HDAC9: variants seen among roughly 807,000 people sequenced by gnomAD.
HDAC9 encodes the protein MEF-2 interacting transcription repressor (MITR) protein.
In HDAC9, 41 loss-of-function variants were observed where a neutral mutation model predicts 139.4. The ratio of observed to expected loss-of-function variants is 0.29; its 90% CI spans 0.23 to 0.38. The LOEUF (loss-of-function observed/expected upper bound fraction) is 0.38. Ranked by LOEUF, HDAC9 falls within the 10% of genes least tolerant of loss-of-function variation. HDAC9 has a pLI of 1.00. For synonymous variants in HDAC9, 517 were observed against 476.2 expected (o/e 1.09, Z -1.12); for missense variants, 1,147 against 1,297.0 (o/e 0.88, Z 1.78).
At chr7:18,331,616 A>G (rs1271196839) in intron 1 of HDAC9, among the ~76,000 whole-genome samples, 1 of 134,560 alleles carries the variant, frequency 7.4e-6, no homozygotes, top group Non-Finnish European at 1.7e-5. Flanking sequence ...CCCAGAACTT[A>G]AAGTATAATA....
chr7:18,364,384 G>A (rs1421894097), intron 1 of HDAC9, among the ~76,000 whole-genome samples: 2 of 152,096 alleles, frequency 1.3e-5, no homozygotes, highest in East Asian at 3.9e-4. Flanking sequence ...ACTATTACTT[G>A]TATTAACATT....
At chr7:18,599,177 G>A (rs1477904999) in intron 6 of HDAC9, among the ~76,000 whole-genome samples, 1 of 152,166 alleles carries the variant, frequency 6.6e-6, no homozygotes, top group African/African-American at 2.4e-5. Flanking sequence ...TATATTTACA[G>A]AAAAATTGAG....
intron 2 of HDAC9, among the ~76,000 whole-genome samples, chr7:18,284,654 G>A (rs1797320664): frequency 6.6e-6 from 1 of 152,032 alleles, no homozygotes; most frequent in African/African-American, 2.4e-5. Context: ...TCTAATCTTT[G>A]GGTAAATTAG....
chr7:18,801,903 G>A (rs1158133667), intron 17 of HDAC9, among the ~76,000 whole-genome samples: 1 of 151,852 alleles, frequency 6.6e-6, no homozygotes, highest in Non-Finnish European at 1.5e-5. Context: ...ATGTTTGCAG[G>A]AGCTTTAGCA....
chr7:18,818,745 C>G (rs1794751711), intron 17 of HDAC9, among the ~76,000 whole-genome samples: 1 of 151,968 alleles, frequency 6.6e-6, no homozygotes, highest in Admixed American at 6.6e-5. Flanking sequence ...GAGATTTGAC[C>G]CTTATTTTTC....
intron 1 of HDAC9, among the ~76,000 whole-genome samples, chr7:18,433,757 A>G (rs1316634306): frequency 1.3e-5 from 2 of 152,218 alleles, no homozygotes; most frequent in African/African-American, 4.8e-5. Flanking sequence ...AACACTGCTG[A>G]AAGAAGTCAG....
chr7:18,737,788 A>G (rs1787062937), intron 13 of HDAC9, among the ~76,000 whole-genome samples: 1 of 152,160 alleles, frequency 6.6e-6, no homozygotes, highest in Admixed American at 6.5e-5. Flanking sequence ...CTTGGTGCAG[A>G]GCTGAGTTCA....
At chr7:18,350,179 A>G (rs1782743740) in intron 1 of HDAC9, among the ~76,000 whole-genome samples, 1 of 152,142 alleles carries the variant, frequency 6.6e-6, no homozygotes, top group Admixed American at 6.5e-5. Flanking sequence ...TTAGTCTTTA[A>G]TAAATTAGAA....
In HDAC9 at chr7:18,225,061, C is replaced by T. The variant is rs375621652; in HGVS notation, c.25+62712C>T. ...CACTGATCCTTTCCTTTAAACTGCTCAGTAGCTAAATAAAGAACTTGTTGA... is the reference window on the plus strand; with the variant it reads ...CACTGATCCTTTCCTTTAAACTGCTTAGTAGCTAAATAAAGAACTTGTTGA... On this transcript the variant is annotated intron_variant, in intron 2 of 12. Coordinates refer to the HDAC9 transcript ENST00000417496. Among the ~76,000 whole-genome samples, 12 of 152,168 alleles carry T rather than the reference C, an allele frequency of 7.9e-5. No individual in the cohort carries two copies. In the East Asian group the frequency reaches 2.1e-3, roughly 27 times the overall value.
chr7:18,739,449 G>A (rs1012769329), intron 13 of HDAC9, among the ~76,000 whole-genome samples: 6 of 152,170 alleles, frequency 3.9e-5, no homozygotes, highest in Non-Finnish European at 8.8e-5. Flanking sequence ...GGGTTTTGGT[G>A]TAGATGTCCT....
At chr7:18,103,300 C>G (rs1342641302) in intron 1 of HDAC9, among the ~76,000 whole-genome samples, 2 of 152,160 alleles carry the variant, frequency 1.3e-5, no homozygotes, top group Non-Finnish European at 2.9e-5. Flanking sequence ...CACAGCCAAA[C>G]CATATCAGAC....
chr7:18,723,013 T>A (rs1444857770), intron 12 of HDAC9, among the ~76,000 whole-genome samples: 1 of 152,148 alleles, frequency 6.6e-6, no homozygotes, highest in African/African-American at 2.4e-5. Context: ...GGAAAAATAA[T>A]CCTCAAATCA....
intron 12 of HDAC9, among the ~76,000 whole-genome samples, chr7:18,721,259 T>C (rs972911872): frequency 1.3e-5 from 2 of 152,144 alleles, no homozygotes; most frequent in Non-Finnish European, 2.9e-5. Context: ...CCTATGTATC[T>C]CTCTCCTATT....
At chr7:18,770,525 C>T (rs1790196727) in intron 16 of HDAC9, among the ~76,000 whole-genome samples, 1 of 152,138 alleles carries the variant, frequency 6.6e-6, no homozygotes, top group South Asian at 2.1e-4. Flanking sequence ...ATTTTCCCCT[C>T]TTCACTTGAT....
At chr7:18,871,266 T>G (rs535990333) in intron 21 of HDAC9, among the ~76,000 whole-genome samples, 81 of 152,292 alleles carry the variant, frequency 5.3e-4, no homozygotes, top group Non-Finnish European at 5.9e-5. Flanking sequence ...TCCATGTCTC[T>G]TTTAAAGCAT....
intron 6 of HDAC9, among the ~76,000 whole-genome samples, chr7:18,628,804 G>T (rs1781456831): frequency 6.6e-6 from 1 of 152,120 alleles, no homozygotes; most frequent in Admixed American, 6.6e-5. Flanking sequence ...ATTACACTGA[G>T]TATGTTTCCC....
chr7:18,749,223 A>G lies in HDAC9; in HGVS notation c.2043+85A>G, dbSNP rs148128776. On this transcript the variant is annotated intron_variant, in intron 14 of 25. Coordinates refer to ENST00000686413, the MANE Select transcript of HDAC9 (RefSeq NM_178425.4). ...TATTCATTTGGGGAGTAATAGAAAA[A>G]TATTAACCATATAGTGCAAACACCA... 7.8e-4 allele frequency: 1,052 copies of G among 1,353,818 alleles called. 5 individuals carry two copies. In the African/African-American group the frequency reaches 0.013, roughly 17 times the overall value. 83.9% of individuals were successfully genotyped at this position (1,353,818 alleles called of 1,614,324 possible).
At position 18,624,971 on chromosome 7, in the gene HDAC9, A is replaced by T. The variant is rs185264312; in HGVS notation, c.665-4379A>T. ...TTTCTTTAGAGAAGTTGTATACTGT[A>T]TATTTTGTTAACATAAATCTATGTT... On this transcript the variant is annotated intron_variant, in intron 6 of 25. Coordinates refer to ENST00000686413, the MANE Select transcript of HDAC9 (RefSeq NM_178425.4). Among the ~76,000 whole-genome samples, 321 of 152,122 alleles carry T rather than the reference A, an allele frequency of 2.1e-3. 2 individuals are homozygous for T. The highest frequency in any genetic ancestry group is 7.2e-3 in the African/African-American group (300 of 41,520).
chr7:18,381,140 A>C (rs1785395567), intron 1 of HDAC9, among the ~76,000 whole-genome samples: 1 of 145,450 alleles, frequency 6.9e-6, no homozygotes, highest in East Asian at 2.0e-4. Flanking sequence ...CAGCGGTTGC[A>C]ATGAGCTGAG....
Sources: gnomAD v4.1 joint callset for allele counts (sites outside exome capture counted in the v4.1 genomes callset) on GRCh38, gnomAD v4.1.1 for gene constraint, MANE v1.5 for transcripts, NCBI Gene and HGNC (gene_info 2026-07-23, HGNC 2026-07-21) for gene names.